GALNT13: variants seen among roughly 807,000 people sequenced by gnomAD.
GALNT13 encodes the protein UDP-GalNAc:polypeptide N-acetylgalactosaminyltransferase 13.
A neutral mutation model predicts 64.2 loss-of-function variants in GALNT13; 28 were observed. That is an observed-to-expected ratio of 0.44 (90% confidence interval 0.32 to 0.60). The LOEUF is 0.60. GALNT13 is among the 20% of genes least tolerant of loss of function. The pLI, the probability that GALNT13 is intolerant of heterozygous loss-of-function variation, is 0.05. For missense variants in GALNT13, 577 were observed against 669.8 expected (o/e 0.86, Z 1.53); for synonymous variants, 214 against 224.6 (o/e 0.95, Z 0.42).
chr2:154,375,304 G>T (rs539784276), intron 9 of GALNT13, among the ~76,000 whole-genome samples: 1 of 151,394 alleles, frequency 6.6e-6, no homozygotes, highest in Non-Finnish European at 1.5e-5. Context: ...AAATTCTTAA[G>T]ACTAGTAAGA....
the GALNT13 span, among the ~76,000 whole-genome samples, chr2:153,838,924 T>A: frequency 6.6e-6 from 1 of 151,948 alleles, no homozygotes; most frequent in African/African-American, 2.4e-5. Flanking sequence ...ACAGAATATA[T>A]AATTACATTT....
chr2:154,124,826 A>G (rs1404496540), intron 3 of GALNT13, among the ~76,000 whole-genome samples: 1 of 152,140 alleles, frequency 6.6e-6, no homozygotes, highest in East Asian at 1.9e-4. Flanking sequence ...TTTTAAATGT[A>G]TACCATAGTT....
At chr2:154,134,686 A>G (rs1051637611) in intron 3 of GALNT13, among the ~76,000 whole-genome samples, 1 of 152,202 alleles carries the variant, frequency 6.6e-6, no homozygotes, top group Non-Finnish European at 1.5e-5. Context: ...AATGTTTTTT[A>G]AATGATAAAA....
intron 7 of GALNT13, among the ~76,000 whole-genome samples, chr2:154,255,686 T>G (rs1413958218): frequency 6.6e-6 from 1 of 151,914 alleles, no homozygotes; most frequent in Non-Finnish European, 1.5e-5. Flanking sequence ...GAGTTTAGAT[T>G]TCATGATTGA....
chr2:153,663,233 A>G, the GALNT13 span, among the ~76,000 whole-genome samples: 1 of 152,226 alleles, frequency 6.6e-6, no homozygotes, highest in African/African-American at 2.4e-5. Flanking sequence ...ACCTTTAAAA[A>G]TGTAAAAACA....
the GALNT13 span, among the ~76,000 whole-genome samples, chr2:153,605,317 A>G: frequency 6.6e-6 from 1 of 152,120 alleles, no homozygotes; most frequent in Non-Finnish European, 1.5e-5. Flanking sequence ...CTTGCTAAGC[A>G]AGCTCATTGG....
intron 3 of GALNT13, among the ~76,000 whole-genome samples, chr2:154,105,828 C>T (rs1243381089): frequency 2.6e-5 from 4 of 152,100 alleles, no homozygotes; most frequent in Non-Finnish European, 5.9e-5. Context: ...AGTGAAGAGA[C>T]TAAATTTTTA....
intron 3 of GALNT13, among the ~76,000 whole-genome samples, chr2:154,132,983 T>G (rs1020178466): frequency 3.9e-5 from 6 of 152,080 alleles, no homozygotes; most frequent in African/African-American, 9.7e-5. Flanking sequence ...AATTTGTGAG[T>G]CATAAGTTAC....
chr2:153,553,149 C>T, the GALNT13 span, among the ~76,000 whole-genome samples: 1 of 152,152 alleles, frequency 6.6e-6, no homozygotes, highest in African/African-American at 2.4e-5. Flanking sequence ...ATGTCAGAAA[C>T]TAAGATATGG....
At chr2:154,148,486 C>T (rs1420684640) in intron 4 of GALNT13, among the ~76,000 whole-genome samples, 1 of 152,020 alleles carries the variant, frequency 6.6e-6, no homozygotes, top group Non-Finnish European at 1.5e-5. Flanking sequence ...TTCTAGATCC[C>T]TGAGGAATCA....
intron 11 of GALNT13, among the ~76,000 whole-genome samples, chr2:154,417,762 T>G (rs1700084454): frequency 6.6e-6 from 1 of 151,960 alleles, no homozygotes; most frequent in Non-Finnish European, 1.5e-5. Context: ...TCCACCCGCC[T>G]CCACATCCCA....
chr2:154,402,208 T>C (rs993931965), intron 10 of GALNT13, among the ~76,000 whole-genome samples: 4 of 152,192 alleles, frequency 2.6e-5, no homozygotes, highest in South Asian at 4.1e-4. Context: ...AGAATGGATT[T>C]TCTATGAGTT....
intron 9 of GALNT13, among the ~76,000 whole-genome samples, chr2:154,325,419 C>A (rs188607546): frequency 6.6e-6 from 1 of 152,178 alleles, no homozygotes; most frequent in Non-Finnish European, 1.5e-5. Context: ...CTCAAATACA[C>A]TAGAATATGT....
chr2:153,604,772 G>C, the GALNT13 span, among the ~76,000 whole-genome samples: 1 of 151,960 alleles, frequency 6.6e-6, no homozygotes, highest in Admixed American at 6.6e-5. Context: ...ATTTTATTAA[G>C]AGAAATTTAA....
chr2:154,213,268 T>C (rs1288104113), intron 4 of GALNT13, among the ~76,000 whole-genome samples: 3 of 151,966 alleles, frequency 2.0e-5, no homozygotes, highest in Non-Finnish European at 4.4e-5. Context: ...TTTGTAGATA[T>C]GGGGTTTTGC....
At chr2:154,045,102 G>A (rs1699210023) in intron 3 of GALNT13, among the ~76,000 whole-genome samples, 1 of 152,220 alleles carries the variant, frequency 6.6e-6, no homozygotes, top group South Asian at 2.1e-4. Context: ...TATGTGATAA[G>A]GATGAATCAT....
At chr2:153,771,888 C>T in the GALNT13 span, among the ~76,000 whole-genome samples, 1 of 152,202 alleles carries the variant, frequency 6.6e-6, no homozygotes, top group South Asian at 2.1e-4. Context: ...ATGGGTTGGA[C>T]CATACTCCCA....
At chr2:153,334,646 C>A in the GALNT13 span, among the ~76,000 whole-genome samples, 1 of 151,726 alleles carries the variant, frequency 6.6e-6, no homozygotes, top group Non-Finnish European at 1.5e-5. Flanking sequence ...AATTTAGTTG[C>A]CTTTAAGATA....
chr2:153,615,090 T>C, the GALNT13 span, among the ~76,000 whole-genome samples: 268 of 152,208 alleles, frequency 1.8e-3, 3 homozygotes, highest in African/African-American at 6.3e-3. Flanking sequence ...TTCAGTTGTT[T>C]TGATTCCTAG....
Sources: allele counts gnomAD v4.1 joint callset (sites outside exome capture counted in the v4.1 genomes callset), GRCh38; gene constraint gnomAD v4.1.1; transcripts MANE v1.5; gene names NCBI Gene and HGNC (gene_info 2026-07-23, HGNC 2026-07-21).